FUNDC1: variants seen among roughly 807,000 people sequenced by gnomAD.
The protein encoded by FUNDC1 is FUN14 domain containing 1.
In FUNDC1, 10 loss-of-function variants were observed where a neutral mutation model predicts 14.5. The ratio of observed to expected loss-of-function variants is 0.69; its 90% confidence interval spans 0.43 to 1.17. FUNDC1 has a LOEUF of 1.17. Among genes scored for constraint, FUNDC1 ranks in the 50% most tolerant of loss-of-function variants. The pLI is 0.00. For missense variants in FUNDC1, 115 were observed against 113.8 expected (o/e 1.01, Z -0.05); for synonymous variants, 33 against 39.7 (o/e 0.83, Z 0.64).
intron 3 of FUNDC1, among the ~76,000 whole-genome samples, chrX:44,537,650 C>G (rs1257993667): frequency 1.8e-5 from 2 of 112,165 alleles, no homozygotes; most frequent in Non-Finnish European, 3.8e-5. Context: ...CTAGTTATTA[C>G]ATGATCGATG....
intron 3 of FUNDC1, among the ~76,000 whole-genome samples, chrX:44,527,951 G>A (rs142033480): frequency 2.7e-5 from 3 of 111,165 alleles, no homozygotes; most frequent in Non-Finnish European, 5.7e-5. Context: ...AAAACAAACT[G>A]CACTCTACAC....
chrX:44,524,395 C>A, intron 4 of FUNDC1, 120 bp from the exon 5 acceptor site: 1 of 484,037 alleles, frequency 2.1e-6, no homozygotes, highest in South Asian at 3.3e-5. Context: ...TGATTCTGCT[C>A]GTATGAGTAG....
chrX:44,540,828 A>C (rs1245646808), intron 2 of FUNDC1, among the ~76,000 whole-genome samples: 1 of 112,085 alleles, frequency 8.9e-6, no homozygotes, highest in Non-Finnish European at 1.9e-5. Context: ...GGCTAGAGGA[A>C]CTATCAGCCT....
At chrX:44,538,760 C>CG (rs2038958547) in intron 2 of FUNDC1, among the ~76,000 whole-genome samples, 1 of 110,867 alleles carries the variant, frequency 9.0e-6, no homozygotes, top group African/African-American at 3.3e-5. Context: ...AAATAAGGGA[C>CG]GGAGAGAAGA....
At chrX:44,535,248 T>C (rs1412353835) in intron 3 of FUNDC1, among the ~76,000 whole-genome samples, 2 of 111,439 alleles carry the variant, frequency 1.8e-5, no homozygotes, top group Non-Finnish European at 3.8e-5. Flanking sequence ...GAGAGCCGTA[T>C]ACCAGGCCTA....
In FUNDC1 at chrX:44,542,082, G is replaced by A. The variant is rs142075113; in HGVS notation, c.48C>T (p.Asp16=). Residue 16 remains aspartate, a synonymous_variant, in exon 2 of 5, where the codon GAC becomes GAT. Transcript: ENST00000378045. ...PPPQDYESDD[D]SYEVLDLTEY... is the part of the protein sequence containing the mutation. The stretch of plus-strand genomic sequence containing the variant: ...CAGTTAAATCCAACACTTCATAAGA[G>A]TCGTCATCACTTTCATAGTCTTCAA... The A allele has an allele frequency of 0.017, 20,822 of 1,196,956 alleles. 194 individuals carry two copies. The highest frequency in any genetic ancestry group is 0.036 in the Middle Eastern group (155 of 4,259).
chrX:44,531,630 C>G (rs1263208625), intron 3 of FUNDC1, among the ~76,000 whole-genome samples: 1 of 109,666 alleles, frequency 9.1e-6, no homozygotes, highest in Admixed American at 1.0e-4. Flanking sequence ...TATGAGCAGA[C>G]AACCAAGGAT....
Position 44,527,310 on chromosome X carries a change from A to T in FUNDC1, c.317T>A (p.Val106Glu). 8.4e-7 allele frequency: 1 copy of T among 1,195,029 alleles called. No homozygotes were observed. The highest frequency in any genetic ancestry group is 1.8e-5 in the South Asian group (1 of 55,037). Reference protein sequence around the residue: ...QIDWKRVEKDVNKAKRQIKKR... With the variant: ...QIDWKRVEKDENKAKRQIKKR... ...CTTAATCTGTCTTTTTGCTTTATTTACATCTTTTTCAACTCTCTTCCAGTC... is the reference window on the plus strand; with the variant it reads ...CTTAATCTGTCTTTTTGCTTTATTTTCATCTTTTTCAACTCTCTTCCAGTC... Residue 106 changes from valine to glutamate, a missense_variant, in exon 4 of 5, where the codon GTA becomes GAA. Val to Glu is a moderately radical substitution (Grantham distance 121, BLOSUM62 -2). Coordinates refer to ENST00000378045, the MANE Select transcript of FUNDC1 (RefSeq NM_173794.4).
intron 4 of FUNDC1, 113 bp downstream of exon 4, chrX:44,527,124 C>T: frequency 2.0e-6 from 1 of 500,105 alleles, no homozygotes; most frequent in Middle Eastern, 6.7e-4. Context: ...TAACCAAAAA[C>T]ACCATTTTTA....
At chrX:44,539,437 C>T (rs901742115) in intron 2 of FUNDC1, among the ~76,000 whole-genome samples, 1 of 111,237 alleles carries the variant, frequency 9.0e-6, no homozygotes, top group East Asian at 2.8e-4. Flanking sequence ...CCGATAAGGA[C>T]GCACACAGAG....
At position 44,527,339 on chromosome X, in the gene FUNDC1, C is replaced by A; in HGVS notation, c.288G>T (p.Gln96His). The A allele has an allele frequency of 8.4e-7, 1 of 1,187,766 alleles. No homozygotes were observed. Residue 96 changes from glutamine (Q) to histidine (H), a missense_variant, in exon 4 of 5, where the codon CAG (glutamine) becomes CAT (histidine). Physicochemically the swap from Gln to His is conservative, Grantham distance 24. Transcript: ENST00000378045. ...CTTTTTCAACTCTCTTCCAGTCAATCTGCACATAGCCACTATGACTAGCAA... is the reference window on the plus strand; with the variant it reads ...CTTTTTCAACTCTCTTCCAGTCAATATGCACATAGCCACTATGACTAGCAA... ...LQIASHSGYV[Q>H]IDWKRVEKDV...
intron 3 of FUNDC1, among the ~76,000 whole-genome samples, chrX:44,528,339 T>C (rs1235240790): frequency 8.9e-6 from 1 of 112,144 alleles, no homozygotes. Flanking sequence ...ATAGAAGAAT[T>C]TGTTTATCTG....
intron 3 of FUNDC1, among the ~76,000 whole-genome samples, chrX:44,535,711 C>T (rs1186918021): frequency 6.0e-5 from 6 of 99,995 alleles, no homozygotes; most frequent in Non-Finnish European, 1.2e-4. Context: ...CCTGGCTGGG[C>T]GCGGTGGCTC....
intron 2 of FUNDC1, among the ~76,000 whole-genome samples, chrX:44,539,853 G>A (rs1378281976): frequency 1.8e-5 from 2 of 110,042 alleles, no homozygotes; most frequent in Non-Finnish European, 3.8e-5. Flanking sequence ...TTTTAGTAGA[G>A]ACGGGGTTTC....
rs1310979082 is a variant in FUNDC1, at chrX:44,531,325, C to G, written c.262-3960G>C. ...GATTCATGTTGGCCAGACACACACA[C>G]ACACACACACACACACACACACACA... On this transcript the variant is annotated intron_variant, in intron 3 of 4. Transcript: ENST00000378045. 1.7e-3 allele frequency among the ~76,000 whole-genome samples: 102 copies of G among 60,175 alleles called. 1 individual carries two copies. Among genetic ancestry groups the G allele is most frequent in the East Asian group, 3.8e-3 (6 of 1,566 alleles). The allele number at this position is 60,175 out of a possible 115,157, so 52.3% of individuals were successfully genotyped here. A position where few individuals can be genotyped will look rare whatever the true frequency, so the allele number is the denominator to read the frequency against.
chrX:44,533,641 A>AC lies in FUNDC1; in HGVS notation c.261+4825_261+4826insG, dbSNP rs1255847411. Among the ~76,000 whole-genome samples the AC allele has an allele frequency of 2.8e-5, 3 of 105,944 alleles. 1 individual carries two copies. Among genetic ancestry groups the AC allele is most frequent in the Admixed American group, 2.0e-4 (2 of 9,813 alleles). 92.0% of individuals were successfully genotyped at this position (105,944 alleles called of 115,157 possible). A position where few individuals can be genotyped will look rare whatever the true frequency, so the allele number is the denominator to read the frequency against. On this transcript the variant is annotated intron_variant, in intron 3 of 4. Coordinates refer to ENST00000378045, the MANE Select transcript of FUNDC1 (RefSeq NM_173794.4). ...AGACTCCGTCTCAAAAAAAAAAAAA[A>AC]AAAAAAAACAACAAAACAACAACAA...
At chrX:44,540,277 A>C (rs1320910573) in intron 2 of FUNDC1, among the ~76,000 whole-genome samples, 1 of 111,484 alleles carries the variant, frequency 9.0e-6, no homozygotes, top group Non-Finnish European at 1.9e-5. Flanking sequence ...ATAATATCAC[A>C]TCAGTTTTAC....
At position 44,542,038 on chromosome X, in the gene FUNDC1, T is replaced by G. The variant is rs760326817; in HGVS notation, c.92A>C (p.Gln31Pro). 1 of 1,203,423 alleles carries G rather than the reference T, an allele frequency of 8.3e-7. No individual in the cohort carries two copies. Among genetic ancestry groups the G allele is most frequent in the Admixed American group, 2.2e-5 (1 of 45,836 alleles). ...LDLTEYARRH[Q>P]WWNRVFGHSS... The stretch of plus-strand genomic sequence containing the variant: ...GTGGCCAAACACTCGATTCCACCAC[T>G]GGTGTCTTCTTGCATACTCAGTTAA... Residue 31 changes from glutamine to proline, a missense_variant, in exon 2 of 5, where the codon CAG (glutamine) becomes CCG (proline). Coordinates refer to ENST00000378045, the MANE Select transcript of FUNDC1 (RefSeq NM_173794.4).
At chrX:44,536,184 C>T (rs760496732) in intron 3 of FUNDC1, among the ~76,000 whole-genome samples, 1 of 107,662 alleles carries the variant, frequency 9.3e-6, no homozygotes, top group South Asian at 4.1e-4. Flanking sequence ...CTGTGGCAGG[C>T]AGCTGTAGTC....
Sources: gnomAD v4.1 joint callset for allele counts (sites outside exome capture counted in the v4.1 genomes callset) on GRCh38, gnomAD v4.1.1 for gene constraint, MANE v1.5 for transcripts, NCBI Gene and HGNC (gene_info 2026-07-23, HGNC 2026-07-21) for gene names.